The following PFKFB3 variants were observed in gnomAD, a reference collection of about 807,000 sequenced individuals.
The protein encoded by PFKFB3 is 6-phosphofructo-2-kinase/fructose-2,6-bisphosphatase 3.
Under a neutral mutation model 68.0 loss-of-function variants are expected in PFKFB3, and 33 were observed. The observed-to-expected ratio is 0.49, with a 90% CI of 0.37 to 0.65. The LOEUF is 0.65. Among genes scored for constraint, PFKFB3 ranks in the 30% least tolerant of loss-of-function variants. The pLI is 0.00. For missense variants in PFKFB3, 586 were observed against 712.2 expected (o/e 0.82, Z 2.02); for synonymous variants, 315 against 288.2 (o/e 1.09, Z -0.94).
chr10:6,291,612 A>G, the PFKFB3 span, among the ~76,000 whole-genome samples: 1 of 152,016 alleles, frequency 6.6e-6, no homozygotes, highest in Non-Finnish European at 1.5e-5. Context: ...CATTCAATCT[A>G]TAGTGCTACT....
chr10:6,193,101 A>T (rs1843077467), intron 1 of PFKFB3, among the ~76,000 whole-genome samples: 1 of 152,186 alleles, frequency 6.6e-6, no homozygotes, highest in Admixed American at 6.5e-5. Context: ...CTGTAATCCC[A>T]TCACTTTGAA....
At chr10:6,157,832 T>C (rs1841853604) in intron 1 of PFKFB3, among the ~76,000 whole-genome samples, 1 of 152,196 alleles carries the variant, frequency 6.6e-6, no homozygotes, top group Non-Finnish European at 1.5e-5. Context: ...CATTTTTGAA[T>C]GAGTAATATG....
rs1285074931 is a variant in PFKFB3 at position 6,170,628 on chromosome 10, AGGAGCAAAAGTAGAG to A, written c.16+25633_16+25647del. On this transcript the variant is annotated intron_variant, in intron 1 of 14. Coordinates refer to the PFKFB3 transcript ENST00000379789. Reference sequence around the variant, plus strand: ...TCATTGAGGTGCAAATGGAAAGACCAGGAGCAAAAGTAGAGGGAGCAAAAGTAGAGGGTGGGGACA... The same window carrying A: ...TCATTGAGGTGCAAATGGAAAGACCAGGAGCAAAAGTAGAGGGTGGGGACA... Among the ~76,000 whole-genome samples, 25 of 152,356 alleles carry A rather than the reference AGGAGCAAAAGTAGAG, an allele frequency of 1.6e-4. No homozygotes were observed. In the East Asian group the frequency reaches 2.7e-3, roughly 16 times the overall value.
intron 4 of PFKFB3, 97 bp downstream of exon 4, chr10:6,216,288 G>A: frequency 8.4e-7 from 1 of 1,186,262 alleles, no homozygotes; most frequent in Admixed American, 1.7e-5. Flanking sequence ...CTCTGGCCCT[G>A]AGGGTGGAGG....
At chr10:6,296,938 C>G in the PFKFB3 span, among the ~76,000 whole-genome samples, 3 of 152,160 alleles carry the variant, frequency 2.0e-5, no homozygotes, top group Non-Finnish European at 2.9e-5. Context: ...TTTACCCAGC[C>G]CCTATTCAAG....
the PFKFB3 span, among the ~76,000 whole-genome samples, chr10:6,270,488 G>A: frequency 6.6e-6 from 1 of 152,252 alleles, no homozygotes; most frequent in East Asian, 1.9e-4. Flanking sequence ...CGTGTCCTGG[G>A]GCATCTGGTT....
At chr10:6,313,611 A>G in the PFKFB3 span, among the ~76,000 whole-genome samples, 1 of 152,090 alleles carries the variant, frequency 6.6e-6, no homozygotes, top group Admixed American at 6.5e-5. This position sits in a 1 kb window ranked among gnomAD's most constrained non-coding sequence, Gnocchi z 4.2. Context: ...GCCTTTGTGC[A>G]TTAGTTTATC....
chr10:6,180,015 C>T (rs574244018), intron 1 of PFKFB3, among the ~76,000 whole-genome samples: 4 of 152,116 alleles, frequency 2.6e-5, no homozygotes, highest in Non-Finnish European at 4.4e-5. Context: ...TTGCTGGACT[C>T]GCAGCATTTA....
intron 14 of PFKFB3, 199 bp downstream of exon 14, chr10:6,226,564 A>G (rs1845374308): frequency 1.8e-6 from 1 of 567,944 alleles, no homozygotes; most frequent in African/African-American, 2.0e-5. Flanking sequence ...GAACATAGGA[A>G]GCACCCTCCG....
intron 6 of PFKFB3, among the ~76,000 whole-genome samples, chr10:6,217,440 G>T (rs867020475): frequency 9.2e-5 from 14 of 152,214 alleles, no homozygotes; most frequent in African/African-American, 3.4e-4. Context: ...AAATAATTCA[G>T]GGAGATAGGA....
At chr10:6,165,733 T>C (rs1350116602) in intron 1 of PFKFB3, among the ~76,000 whole-genome samples, 1 of 152,204 alleles carries the variant, frequency 6.6e-6, no homozygotes, top group Non-Finnish European at 1.5e-5. Flanking sequence ...AGGTTTGTTA[T>C]ATAAGTAAAC....
At chr10:6,243,731 C>T (rs1270329878) in intron 14 of PFKFB3, among the ~76,000 whole-genome samples, 1 of 152,110 alleles carries the variant, frequency 6.6e-6, no homozygotes, top group African/African-American at 2.4e-5. Flanking sequence ...CTTTCCTTTT[C>T]TTTTTTTCTG....
At chr10:6,155,483 C>T (rs912129088) in intron 1 of PFKFB3, among the ~76,000 whole-genome samples, 2 of 152,244 alleles carry the variant, frequency 1.3e-5, no homozygotes, top group South Asian at 4.1e-4. Context: ...GGATTACAGG[C>T]GTGAGCCACC....
At chr10:6,309,663 A>G in the PFKFB3 span, among the ~76,000 whole-genome samples, 1 of 151,978 alleles carries the variant, frequency 6.6e-6, no homozygotes, top group Non-Finnish European at 1.5e-5. Flanking sequence ...AGAGTATTAT[A>G]ATTTTTTTAA....
At chr10:6,152,379 C>CT (rs1841621009) in intron 1 of PFKFB3, 1 of 152,572 alleles carries the variant, frequency 6.6e-6, no homozygotes. Flanking sequence ...CCCGTCCACA[C>CT]TGCTGTGGAG....
At chr10:6,285,972 G>GTTT in the PFKFB3 span, among the ~76,000 whole-genome samples, 236 of 89,104 alleles carry the variant, frequency 2.6e-3, no homozygotes, top group Non-Finnish European at 3.4e-3. Context: ...TCCTTTCACT[G>GTTT]TTTTTTTTTT....
the PFKFB3 span, among the ~76,000 whole-genome samples, chr10:6,296,973 C>T: frequency 6.6e-6 from 1 of 152,194 alleles, no homozygotes; most frequent in African/African-American, 2.4e-5. Context: ...GTTTGAACAT[C>T]TCTGACAGGA....
intron 1 of PFKFB3, 41 bp downstream of exon 1, chr10:6,203,377 C>T: frequency 9.9e-6 from 15 of 1,516,456 alleles, no homozygotes; most frequent in Non-Finnish European, 1.3e-5. Context: ...GGGCGGGCTG[C>T]GCCGGGCCGG....
chr10:6,198,355 GGACTTAAGTT>G (rs1026844870), upstream of PFKFB3, among the ~76,000 whole-genome samples: 1 of 152,154 alleles, frequency 6.6e-6, no homozygotes, highest in African/African-American at 2.4e-5. Flanking sequence ...GGGTTTGCCG[GGACTTAAGTT>G]GAGCAATTTG....
Sources: gnomAD v4.1 joint callset for allele counts (sites outside exome capture counted in the v4.1 genomes callset) on GRCh38, gnomAD v4.1.1 for gene constraint, Gnocchi (gnomAD v3.1) non-coding constraint, MANE v1.5 for transcripts, NCBI Gene and HGNC (gene_info 2026-07-23, HGNC 2026-07-21) for gene names.